GPC3: variants seen among roughly 807,000 people sequenced by gnomAD.
The protein encoded by GPC3 is glypican 3.
GPC3 carries 3 observed loss-of-function variants against 34.4 expected under a neutral mutation model. The observed-to-expected ratio is 0.09, with a 90% CI of 0.04 to 0.23. The LOEUF is 0.23. GPC3 is among the 10% of genes least tolerant of loss of function. The pLI, the probability that GPC3 is intolerant of heterozygous loss-of-function variation, is 1.00. For synonymous variants in GPC3, 177 were observed against 174.0 expected, an observed-to-expected ratio of 1.02 and a Z score of -0.13; for missense variants, 351 against 445.6, an observed-to-expected ratio of 0.79 and a Z score of 1.91.
chrX:133,889,527 C>T (rs1243908044), intron 2 of GPC3, among the ~76,000 whole-genome samples: 3 of 111,901 alleles, frequency 2.7e-5, no homozygotes, highest in Non-Finnish European at 5.6e-5. Flanking sequence ...CTTGCAAGAT[C>T]CTGTTACATC....
At chrX:133,690,747 C>T (rs1292282386) in intron 5 of GPC3, among the ~76,000 whole-genome samples, 1 of 111,675 alleles carries the variant, frequency 9.0e-6, no homozygotes, top group Non-Finnish European at 1.9e-5. Flanking sequence ...TGGAGGGGCT[C>T]TAATCCAACC....
At chrX:133,648,039 G>A (rs892526824) in intron 6 of GPC3, among the ~76,000 whole-genome samples, 1 of 111,583 alleles carries the variant, frequency 9.0e-6, no homozygotes, top group Non-Finnish European at 1.9e-5. Flanking sequence ...TGGGAGGGCC[G>A]CACCCTACTA....
intron 7 of GPC3, among the ~76,000 whole-genome samples, chrX:133,593,175 A>G (rs2069870389): frequency 1.9e-5 from 2 of 107,660 alleles, no homozygotes; most frequent in Admixed American, 2.0e-4. Flanking sequence ...TAAAAATACA[A>G]AAATTAGCTG....
At chrX:133,570,389 C>T (rs941741270) in intron 7 of GPC3, among the ~76,000 whole-genome samples, 21 of 110,191 alleles carry the variant, frequency 1.9e-4, no homozygotes, top group East Asian at 5.7e-4. Flanking sequence ...TTAGCAGAGA[C>T]GGGGTTTCTC....
At chrX:133,629,134 C>T (rs1271930609) in intron 6 of GPC3, among the ~76,000 whole-genome samples, 1 of 111,988 alleles carries the variant, frequency 8.9e-6, no homozygotes, top group Admixed American at 9.5e-5. Flanking sequence ...TTATTATTTG[C>T]TTGTCCAATA....
chrX:133,792,737 CCT>C (rs1421697838), intron 2 of GPC3, among the ~76,000 whole-genome samples: 2 of 111,564 alleles, frequency 1.8e-5, no homozygotes. Context: ...CTAACTGCCC[CCT>C]GATGTGAGGA....
intron 6 of GPC3, among the ~76,000 whole-genome samples, chrX:133,648,957 T>A (rs1324737841): frequency 8.9e-6 from 1 of 112,121 alleles, no homozygotes; most frequent in African/African-American, 3.2e-5. Context: ...GTACTTGGTT[T>A]ATATTTCTTT....
chrX:133,807,124 G>A (rs1307861608), intron 2 of GPC3, among the ~76,000 whole-genome samples: 3 of 111,680 alleles, frequency 2.7e-5, no homozygotes, highest in Non-Finnish European at 5.7e-5. Context: ...TAGAGGTGGG[G>A]CCTGGTGGGA....
chrX:133,584,512 T>C (rs2069765621), intron 7 of GPC3, among the ~76,000 whole-genome samples: 1 of 111,958 alleles, frequency 8.9e-6, no homozygotes, highest in Non-Finnish European at 1.9e-5. Context: ...AGATTCTCAC[T>C]CTGTCACCCA....
At chrX:133,565,078 T>C in intron 7 of GPC3, among the ~76,000 whole-genome samples, 1 of 112,493 alleles carries the variant, frequency 8.9e-6, no homozygotes. Context: ...TAAGTCTTCA[T>C]GCTGGTGTCT....
At chrX:133,724,882 C>G (rs1396117955) in intron 3 of GPC3, among the ~76,000 whole-genome samples, 1 of 111,818 alleles carries the variant, frequency 8.9e-6, no homozygotes, top group African/African-American at 3.3e-5. Flanking sequence ...CTCTTTGTGC[C>G]ACAATCTTTT....
chrX:133,819,648 G>A (rs1304382885), intron 2 of GPC3, among the ~76,000 whole-genome samples: 1 of 111,128 alleles, frequency 9.0e-6, no homozygotes, highest in Non-Finnish European at 1.9e-5. Context: ...ATAAACATGG[G>A]TCTTTGAAAT....
At chrX:133,746,817 G>C (rs2071617686) in intron 3 of GPC3, among the ~76,000 whole-genome samples, 1 of 111,854 alleles carries the variant, frequency 8.9e-6, no homozygotes, top group Admixed American at 9.6e-5. Context: ...CTCTATCTGA[G>C]ACTGAAAAAT....
chrX:133,628,402 T>C (rs913492628), intron 6 of GPC3, among the ~76,000 whole-genome samples: 9 of 112,020 alleles, frequency 8.0e-5, no homozygotes, highest in African/African-American at 2.9e-4. Context: ...ACACCTGTAA[T>C]CCCAGCACTT....
chrX:133,858,003 G>T (rs979907036), intron 2 of GPC3, among the ~76,000 whole-genome samples: 1 of 111,911 alleles, frequency 8.9e-6, no homozygotes, highest in African/African-American at 3.3e-5. Context: ...AATGTTCTGA[G>T]ATGGTGTGGT....
chrX:133,906,178 GTTCTTT>G (rs980504696), intron 2 of GPC3, among the ~76,000 whole-genome samples: 2 of 111,503 alleles, frequency 1.8e-5, no homozygotes, highest in African/African-American at 6.5e-5. Flanking sequence ...AGTCTGCAGT[GTTCTTT>G]TTCTAAGTGG....
intron 2 of GPC3, among the ~76,000 whole-genome samples, chrX:133,806,327 T>C (rs2075635027): frequency 8.9e-6 from 1 of 112,127 alleles, no homozygotes; most frequent in Non-Finnish European, 1.9e-5. Flanking sequence ...AAACTTAAAA[T>C]TTTATCTCTA....
chrX:133,793,308 A>C (rs2072186965), intron 2 of GPC3, among the ~76,000 whole-genome samples: 1 of 112,197 alleles, frequency 8.9e-6, no homozygotes, highest in Non-Finnish European at 1.9e-5. Flanking sequence ...AACCCATTAC[A>C]GTTAATGTGT....
At chrX:133,631,180 A>G (rs980359035) in intron 6 of GPC3, among the ~76,000 whole-genome samples, 2 of 111,920 alleles carry the variant, frequency 1.8e-5, no homozygotes, top group Non-Finnish European at 3.8e-5. Flanking sequence ...ATATATTTGC[A>G]TTACTGTACA....
Sources: gnomAD v4.1 joint callset for allele counts (sites outside exome capture counted in the v4.1 genomes callset) on GRCh38, gnomAD v4.1.1 for gene constraint, MANE v1.5 for transcripts, NCBI Gene and HGNC (gene_info 2026-07-23, HGNC 2026-07-21) for gene names.